The following FHIP1B variants were observed in gnomAD, a reference collection of about 807,000 sequenced individuals.
FHIP1B encodes the protein FHF complex subunit HOOK interacting protein 1B.
In FHIP1B, 28 loss-of-function variants were observed where a neutral mutation model predicts 82.2. That is an observed-to-expected ratio of 0.34 (90% CI 0.25 to 0.47). FHIP1B has a LOEUF of 0.47. Ranked by LOEUF, FHIP1B falls within the 20% of genes least tolerant of loss-of-function variation. The pLI is 1.00. For synonymous variants in FHIP1B, 585 were observed against 516.1 expected (o/e 1.13, Z -1.81); for missense variants, 1,110 against 1,262.6 (o/e 0.88, Z 1.83).
intron 1 of FHIP1B, among the ~76,000 whole-genome samples, chr11:6,233,792 T>G (rs1322976816): frequency 1.3e-5 from 2 of 152,146 alleles, no homozygotes; most frequent in East Asian, 3.9e-4. Flanking sequence ...CAGAAGCAAG[T>G]AGAGAGAAAA....
intron 9 of FHIP1B, among the ~76,000 whole-genome samples, chr11:6,215,901 A>T (rs1293067386): frequency 2.0e-5 from 3 of 152,240 alleles, no homozygotes; most frequent in Non-Finnish European, 4.4e-5. Flanking sequence ...ATCCTGAAAA[A>T]GATGCTAAAA....
chr11:6,224,398 A>C lies in FHIP1B; in HGVS notation c.119T>G (p.Phe40Cys). 1 of 1,614,174 alleles carries C rather than the reference A, an allele frequency of 6.2e-7. No individual in the cohort carries two copies. Among genetic ancestry groups the C allele is most frequent in the Non-Finnish European group, 8.5e-7 (1 of 1,180,022 alleles). ...MADPETCLMVFKNHWSQVVRI... is the reference protein window; with the variant it reads ...MADPETCLMVCKNHWSQVVRI... ...TCCTACCTGGGACCAGTGATTCTTG[A>C]AGACCATGAGGCAGGTCTCGGGATC... The change falls in exon 2 of 12, where the codon TTC becomes TGC. Residue 40 changes from phenylalanine (F) to cysteine (C), a missense_variant. Physicochemically the swap from Phe to Cys is radical, Grantham distance 205. Coordinates refer to ENST00000449352, the MANE Select transcript of FHIP1B (RefSeq NM_001098794.2).
At chr11:6,230,418 C>A (rs1215539011) in intron 1 of FHIP1B, among the ~76,000 whole-genome samples, 1 of 152,132 alleles carries the variant, frequency 6.6e-6, no homozygotes, top group Non-Finnish European at 1.5e-5. Flanking sequence ...AGTTGAATGA[C>A]CTGATTAAAA....
At chr11:6,228,973 A>T (rs910735911) in intron 1 of FHIP1B, among the ~76,000 whole-genome samples, 2 of 152,202 alleles carry the variant, frequency 1.3e-5, no homozygotes, top group African/African-American at 4.8e-5. Flanking sequence ...ATACTGTACC[A>T]TCCCTTGTTG....
In FHIP1B at chr11:6,211,742, C is replaced by T. The variant is rs202015594; in HGVS notation, c.2683G>A (p.Gly895Arg). The T allele has an allele frequency of 6.2e-7, 1 of 1,614,114 alleles. No homozygotes were observed. Among genetic ancestry groups the T allele is most frequent in the Non-Finnish European group, 8.5e-7 (1 of 1,180,044 alleles). ...GRDGAGLGLS[G>R]GSPGASTPVL... ...GGAGTTGAAGCCCCAGGGGAGCCCC[C>T]ACTTAGGCCAAGTCCTGCTCCGTCT... Residue 895 changes from glycine (G) to arginine (R), a missense_variant, in exon 12 of 12, where the codon GGG (glycine) becomes AGG (arginine). Coordinates refer to ENST00000449352, the MANE Select transcript of FHIP1B (RefSeq NM_001098794.2).
At chr11:6,218,569 T>C (rs1280577710) in intron 8 of FHIP1B, 31 bp downstream of exon 8, 2 of 1,613,578 alleles carry the variant, frequency 1.2e-6, no homozygotes, top group Middle Eastern at 3.3e-4. Context: ...CGTGATGTCC[T>C]CCCTTCTCCC....
rs1333780648 is a variant in FHIP1B, at chr11:6,223,574, CACCACACCCT to C, written c.777+26_777+35del. The C allele has an allele frequency of 6.5e-7, 1 of 1,549,230 alleles. No homozygotes were observed. Among genetic ancestry groups the C allele is most frequent in the Non-Finnish European group, 8.7e-7 (1 of 1,148,544 alleles). ...AGGAAGGTGCTGTTCAGTATCTACA[CACCACACCCT>C]ACCCTCCAAGCCAGGGGGTGCTAAC... is the stretch of plus-strand genomic sequence containing the variant. On this transcript the variant is annotated intron_variant, in intron 3 of 11. Transcript: ENST00000449352. This position sits in a 1 kb window ranked among gnomAD's most constrained non-coding sequence, Gnocchi z 4.8.
At position 6,217,514 on chromosome 11, in the gene FHIP1B, C is replaced by G; in HGVS notation, c.2072G>C (p.Gly691Ala). Residue 691 changes from glycine (G) to alanine (A), a missense_variant, in exon 9 of 12, where the codon GGC becomes GCC. Gly to Ala is a moderately conservative substitution (Grantham distance 60). This residue lies in a region of FHIP1B where 418 missense variants were observed against 371.4 expected (regional missense o/e 1.13). Coordinates refer to ENST00000449352, the MANE Select transcript of FHIP1B (RefSeq NM_001098794.2). The stretch of plus-strand genomic sequence containing the variant: ...TGGAGGTTCTAAGGGGGACTCTGAG[C>G]CAGTTCCCCCATTGCTCAATGCCAC... ...LEVALSNGGT[G>A]SESPLEPPLP... The G allele has an allele frequency of 6.2e-7, 1 of 1,611,818 alleles. No homozygotes were observed. Among genetic ancestry groups the G allele is most frequent in the East Asian group, 2.2e-5 (1 of 44,824 alleles).
Position 6,211,833 on chromosome 11 carries a change from G to T in FHIP1B, c.2592C>A (p.Leu864=). 6.3e-7 allele frequency: 1 copy of T among 1,593,450 alleles called. No individual in the cohort carries two copies. Among genetic ancestry groups the T allele is most frequent in the Admixed American group, 1.8e-5 (1 of 55,824 alleles). The part of the protein sequence containing the change: ...KSRRPSLGEL[L]LRHAHSPTRA... ...TGGTTGGACTGTGTGCATGCCGCAG[G>T]AGTAACTCCCCCAAGGATGGCCTCC... Residue 864 remains leucine (L), a synonymous_variant, in exon 12 of 12, where the codon CTC becomes CTA. Transcript: ENST00000449352.
At chr11:6,214,341 G>T in intron 11 of FHIP1B, 70 bp downstream of exon 11, 1 of 1,490,494 alleles carries the variant, frequency 6.7e-7, no homozygotes, top group South Asian at 1.3e-5. Flanking sequence ...CTCTTAATAA[G>T]AGCTCAATTA....
chr11:6,233,070 G>GT (rs1226491051), intron 1 of FHIP1B, among the ~76,000 whole-genome samples: 1 of 152,170 alleles, frequency 6.6e-6, no homozygotes, highest in Non-Finnish European at 1.5e-5. Context: ...ACTCTGAACT[G>GT]TAAGTTCTGA....
chr11:6,223,417 A>T lies in FHIP1B; in HGVS notation c.778-179T>A, dbSNP rs984919654. On this transcript the variant is annotated intron_variant, in intron 3 of 11. Coordinates refer to ENST00000449352, the MANE Select transcript of FHIP1B (RefSeq NM_001098794.2). This position sits in a 1 kb window ranked among gnomAD's most constrained non-coding sequence, Gnocchi z 4.8. ...CTAGAATTCACAGGCCTACAAAGAG[A>T]CTTAGTATCTGCCCTATCCATCTAA... Among the ~76,000 whole-genome samples the T allele has an allele frequency of 1.3e-5, 2 of 152,158 alleles. No homozygotes were observed. Among genetic ancestry groups the T allele is most frequent in the Non-Finnish European group, 2.9e-5 (2 of 68,024 alleles).
intron 1 of FHIP1B, among the ~76,000 whole-genome samples, chr11:6,231,058 T>C (rs1847684094): frequency 6.6e-6 from 1 of 152,134 alleles, no homozygotes; most frequent in African/African-American, 2.4e-5. Context: ...GAAAAATCAT[T>C]CTAGGGATGG....
At chr11:6,226,076 G>A (rs1216403445) in intron 1 of FHIP1B, among the ~76,000 whole-genome samples, 1 of 152,168 alleles carries the variant, frequency 6.6e-6, no homozygotes, top group East Asian at 1.9e-4. Context: ...GGGTGGTTCA[G>A]TTGTCCTTCC....
rs753790891 is a variant in FHIP1B at position 6,218,991 on chromosome 11, G to A, written c.1251C>T (p.Val417=). 5.0e-6 allele frequency: 8 copies of A among 1,613,788 alleles called. No individual in the cohort carries two copies. Among genetic ancestry groups the A allele is most frequent in the South Asian group, 3.3e-5 (3 of 91,046 alleles). The change falls in exon 7 of 12, where the codon GTC becomes GTT. Residue 417 remains valine, a synonymous_variant. Transcript: ENST00000449352. ...GATACCTGAGAACCAGCTGCAGCAG[G>A]ACATCCTCACAGCTGAGGTTCAGGA... ...RTLLNLSCED[V]LLQLVLRYLV...
At chr11:6,229,664 C>T (rs1361466501) in intron 1 of FHIP1B, among the ~76,000 whole-genome samples, 1 of 152,168 alleles carries the variant, frequency 6.6e-6, no homozygotes, top group Non-Finnish European at 1.5e-5. Flanking sequence ...TGCTCCACCA[C>T]TTGACCAACA....
chr11:6,222,553 A>G lies in FHIP1B; in HGVS notation c.1080T>C (p.Ser360=). ...TACGGAGCAAAGCAGGCTCTGAGAT[A>G]CTCCGTAGGAAAAGTTCCAGATAGG... ...STAYLELFLR[S]ISEPALLRTF... is the part of the protein sequence containing the mutation. Residue 360 remains serine, a synonymous_variant, in exon 6 of 12, where the codon AGT becomes AGC. Coordinates refer to ENST00000449352, the MANE Select transcript of FHIP1B (RefSeq NM_001098794.2). The G allele has an allele frequency of 6.2e-7, 1 of 1,614,008 alleles. No homozygotes were observed. The highest frequency in any genetic ancestry group is 8.5e-7 in the Non-Finnish European group (1 of 1,179,984).
chr11:6,228,967 T>C (rs1322071938), intron 1 of FHIP1B, among the ~76,000 whole-genome samples: 1 of 152,258 alleles, frequency 6.6e-6, no homozygotes. Flanking sequence ...CCTGGGATAC[T>C]GTACCATCCC....
chr11:6,224,771 C>T, intron 1 of FHIP1B, 64 bp from the exon 2 acceptor site: 1 of 491,188 alleles, frequency 2.0e-6, no homozygotes, highest in Non-Finnish European at 3.6e-6. Context: ...CTCAGAACCA[C>T]CACTCCACTG....
Sources: gnomAD v4.1 joint callset for allele counts (sites outside exome capture counted in the v4.1 genomes callset) on GRCh38, gnomAD v4.1.1 for gene constraint, gnomAD v4.1.1 regional missense constraint, Gnocchi (gnomAD v3.1) non-coding constraint, MANE v1.5 for transcripts, NCBI Gene and HGNC (gene_info 2026-07-23, HGNC 2026-07-21) for gene names.